The following ZBTB20 variants were observed in gnomAD, a reference collection of about 807,000 sequenced individuals.
ZBTB20 encodes the protein zinc finger and BTB domain-containing protein 20.
In ZBTB20, 9 loss-of-function variants were observed where a neutral mutation model predicts 56.9. The observed-to-expected ratio is 0.16, with a 90% confidence interval of 0.10 to 0.28. The LOEUF (loss-of-function observed/expected upper bound fraction) is 0.28. Ranked by LOEUF, ZBTB20 falls within the 10% of genes least tolerant of loss-of-function variation. ZBTB20 has a pLI of 1.00. For missense variants in ZBTB20, 655 were observed against 1,003.0 expected, an observed-to-expected ratio of 0.65 and a Z score of 4.69; for synonymous variants, 417 against 420.7, an observed-to-expected ratio of 0.99 and a Z score of 0.11.
At chr3:114,622,695 C>G (rs1355971785) in intron 6 of ZBTB20, among the ~76,000 whole-genome samples, 1 of 152,166 alleles carries the variant, frequency 6.6e-6, no homozygotes, top group African/African-American at 2.4e-5. Context: ...CAATGTAATA[C>G]GCTGGATCGC....
intron 4 of ZBTB20, among the ~76,000 whole-genome samples, chr3:114,846,521 T>C (rs968562510): frequency 6.6e-6 from 1 of 152,264 alleles, no homozygotes; most frequent in African/African-American, 2.4e-5. Flanking sequence ...GGAGGCCTAG[T>C]GCAAACAGGC....
At chr3:114,910,778 T>G (rs906497695) in intron 3 of ZBTB20, among the ~76,000 whole-genome samples, 1 of 152,062 alleles carries the variant, frequency 6.6e-6, no homozygotes, top group African/African-American at 2.4e-5. Flanking sequence ...CTAAAGACCA[T>G]GTACTTAAAC....
chr3:114,907,565 T>C (rs1175187553), intron 3 of ZBTB20, among the ~76,000 whole-genome samples: 1 of 151,856 alleles, frequency 6.6e-6, no homozygotes, highest in Non-Finnish European at 1.5e-5. Flanking sequence ...TCATCTGAAT[T>C]CATAGCCTTT....
chr3:114,621,994 A>T (rs2058356258), intron 6 of ZBTB20, among the ~76,000 whole-genome samples: 1 of 152,184 alleles, frequency 6.6e-6, no homozygotes, highest in Admixed American at 6.5e-5. Flanking sequence ...GGCAGATTAT[A>T]TTTTTTTAAA....
At chr3:114,684,487 A>T (rs2062196881) in intron 6 of ZBTB20, 1 of 152,232 alleles carries the variant, frequency 6.6e-6, no homozygotes, top group Non-Finnish European at 1.5e-5. Context: ...GAGGTCTTTG[A>T]ACATAAATGA....
At chr3:114,433,039 A>T (rs1018896706) in intron 7 of ZBTB20, among the ~76,000 whole-genome samples, 1 of 152,168 alleles carries the variant, frequency 6.6e-6, no homozygotes, top group Non-Finnish European at 1.5e-5. Context: ...CTTCAATCTG[A>T]CATTATGAAT....
At chr3:114,348,011 G>C (rs1040274263) in intron 11 of ZBTB20, among the ~76,000 whole-genome samples, 5 of 152,158 alleles carry the variant, frequency 3.3e-5, no homozygotes, top group Admixed American at 3.3e-4. Context: ...TCCAAATCTA[G>C]TTATCTCGGT....
chr3:114,428,023 A>G (rs1000306780), intron 7 of ZBTB20, among the ~76,000 whole-genome samples: 2 of 152,346 alleles, frequency 1.3e-5, no homozygotes, highest in Middle Eastern at 3.4e-3. Context: ...CTGTCGTAAT[A>G]GAAACCTTGA....
intron 3 of ZBTB20, among the ~76,000 whole-genome samples, chr3:114,905,859 C>T (rs745358523): frequency 6.6e-6 from 1 of 151,760 alleles, no homozygotes; most frequent in East Asian, 1.9e-4. Flanking sequence ...AACAGATACT[C>T]GGTATGGAAG....
intron 6 of ZBTB20, among the ~76,000 whole-genome samples, chr3:114,680,516 C>T (rs1435050311): frequency 1.3e-5 from 2 of 152,130 alleles, no homozygotes; most frequent in African/African-American, 2.4e-5. Flanking sequence ...ATATACTTGG[C>T]CAAGTAATGA....
chr3:114,644,893 T>A (rs1398731), intron 6 of ZBTB20, among the ~76,000 whole-genome samples: 1 of 152,028 alleles, frequency 6.6e-6, no homozygotes, highest in Non-Finnish European at 1.5e-5. Context: ...TTTAAATGAA[T>A]TCACTAGCTC....
intron 7 of ZBTB20, among the ~76,000 whole-genome samples, chr3:114,490,561 C>T (rs2042631361): frequency 1.3e-5 from 2 of 151,898 alleles, no homozygotes; most frequent in Non-Finnish European, 1.5e-5. Context: ...TTCTTTCTTC[C>T]CTTGTTCCCT....
intron 6 of ZBTB20, among the ~76,000 whole-genome samples, chr3:114,617,728 C>T (rs1446124554): frequency 6.6e-6 from 1 of 152,158 alleles, no homozygotes; most frequent in African/African-American, 2.4e-5. Context: ...CACAGACTTC[C>T]TTGTTGTCAC....
intron 1 of ZBTB20, among the ~76,000 whole-genome samples, chr3:115,115,865 C>CAT (rs1350672562): frequency 6.6e-6 from 1 of 151,948 alleles, no homozygotes; most frequent in African/African-American, 2.4e-5. Flanking sequence ...CATCGCACAC[C>CAT]ATACACTGAG....
intron 2 of ZBTB20, among the ~76,000 whole-genome samples, chr3:114,984,217 C>A (rs2078442821): frequency 6.6e-6 from 1 of 151,904 alleles, no homozygotes; most frequent in Admixed American, 6.6e-5. Context: ...TGGCCCATTC[C>A]CAGTCCTAAT....
chr3:114,878,240 T>G (rs1426268784), intron 4 of ZBTB20, among the ~76,000 whole-genome samples: 3 of 152,084 alleles, frequency 2.0e-5, no homozygotes, highest in African/African-American at 7.2e-5. Flanking sequence ...GCGATAAAGC[T>G]CTGTTCTGAT....
At chr3:115,101,319 C>A (rs1180408765) in intron 1 of ZBTB20, among the ~76,000 whole-genome samples, 3 of 151,910 alleles carry the variant, frequency 2.0e-5, no homozygotes, top group Admixed American at 6.6e-5. Flanking sequence ...AGAAAAAAAA[C>A]AGTTTTTCTT....
intron 6 of ZBTB20, among the ~76,000 whole-genome samples, chr3:114,537,366 T>C (rs181153973): frequency 2.0e-5 from 3 of 152,062 alleles, no homozygotes; most frequent in African/African-American, 7.2e-5. Context: ...ATTTATGTGG[T>C]CAACGAACAT....
chr3:114,465,366 C>CTTAG (rs2092500849), intron 7 of ZBTB20, among the ~76,000 whole-genome samples: 1 of 152,038 alleles, frequency 6.6e-6, no homozygotes, highest in African/African-American at 2.4e-5. Context: ...TGGTCCAGAA[C>CTTAG]AAAAGTCTGA....
Sources: gnomAD v4.1 joint callset for allele counts (sites outside exome capture counted in the v4.1 genomes callset) on GRCh38, gnomAD v4.1.1 for gene constraint, MANE v1.5 for transcripts, NCBI Gene and HGNC (gene_info 2026-07-23, HGNC 2026-07-21) for gene names.